TICRR: variants seen among roughly 807,000 people sequenced by gnomAD.
TICRR encodes the protein treslin.
TICRR carries 132 observed loss-of-function variants against 178.1 expected under a neutral mutation model. The ratio of observed to expected loss-of-function variants is 0.74; its 90% confidence interval spans 0.64 to 0.86. The LOEUF (loss-of-function observed/expected upper bound fraction) is 0.86. Among genes scored for constraint, TICRR ranks in the 40% least tolerant of loss-of-function variants. TICRR has a pLI of 0.00. For missense variants in TICRR, 2,587 were observed against 2,334.3 expected (o/e 1.11, Z -2.23); for synonymous variants, 991 against 900.7 (o/e 1.10, Z -1.79).
Position 89,625,660 on chromosome 15 carries a change from G to T in TICRR, c.5350G>T (p.Asp1784Tyr). The part of the protein sequence containing the change: ...KRVLLAKEEA[D>Y]RGAKRICDLR... ...AGTCCTGTTGGCCAAGGAAGAAGCT[G>T]ACCGTGGAGCCAAAAGGATCTGTGA... The change falls in exon 20 of 22, where the codon GAC (aspartate) becomes TAC (tyrosine). Residue 1784 changes from aspartate (D) to tyrosine (Y), a missense_variant. Physicochemically the swap from Asp to Tyr is radical, Grantham distance 160. Transcript: ENST00000268138. 2 of 1,613,712 alleles carry T rather than the reference G, an allele frequency of 1.2e-6. No homozygotes were observed. Among genetic ancestry groups the T allele is most frequent in the South Asian group, 2.2e-5 (2 of 91,062 alleles).
At chr15:89,607,452 G>A (rs1963191617) in intron 14 of TICRR, among the ~76,000 whole-genome samples, 1 of 152,056 alleles carries the variant, frequency 6.6e-6, no homozygotes. Flanking sequence ...CTTTAGTGAT[G>A]GGCGTATGTT....
chr15:89,625,744 T>C lies in TICRR; in HGVS notation c.5434T>C (p.Trp1812Arg). 1 of 1,612,846 alleles carries C rather than the reference T, an allele frequency of 6.2e-7. No individual in the cohort carries two copies. Among genetic ancestry groups the C allele is most frequent in the Non-Finnish European group, 8.5e-7 (1 of 1,179,698 alleles). The part of the protein sequence containing the change: ...SKEGSPSWSA[W>R]QLPSTGDEEV... ...AGAGGGGTCTCCAAGTTGGAGTGCA[T>C]GGCAGCTACCCTCCACGGGAGACGA... Residue 1812 changes from tryptophan to arginine, a missense_variant, in exon 20 of 22, where the codon TGG becomes CGG. Trp to Arg is a moderately radical substitution (Grantham distance 101). Transcript: ENST00000268138.
In TICRR at chr15:89,627,353, G is replaced by A; in HGVS notation, c.*267G>A. 2.4e-6 allele frequency: 1 copy of A among 424,110 alleles called. No individual in the cohort carries two copies. Among genetic ancestry groups the A allele is most frequent in the South Asian group, 4.5e-5 (1 of 22,054 alleles). The allele number at this position is 424,110 out of a possible 1,614,324, so 26.3% of individuals were successfully genotyped here. A position where few individuals can be genotyped will look rare whatever the true frequency, so the allele number is the denominator to read the frequency against. On this transcript the variant is annotated 3_prime_UTR_variant, in exon 22 of 22. Coordinates refer to ENST00000268138, the MANE Select transcript of TICRR (RefSeq NM_152259.4). ...CCTGGGAGTCAGGAACCCAGACAAG[G>A]AATCCCATTCCAGCCTCACCCCAAC...
rs948481433 is a variant in TICRR, at chr15:89,605,155, A to G, written c.2665-1613A>G. ...ACAAACTTTTTCTGTAAAGGGCCAG[A>G]TAGTAGATGTTTTAGCCTTTGCAGG... On this transcript the variant is annotated intron_variant, in intron 13 of 21. Coordinates refer to ENST00000268138, the MANE Select transcript of TICRR (RefSeq NM_152259.4). Among the ~76,000 whole-genome samples, 19 of 152,358 alleles carry G rather than the reference A, an allele frequency of 1.2e-4. No homozygotes were observed. The South Asian group carries it at 1.4e-3, about 12-fold the overall frequency.
In TICRR at chr15:89,600,700, T is replaced by A; in HGVS notation, c.2153+15T>A. ...AAAGTTAGAGAGTAAGTAACTACCA[T>A]TTTTTAAAAAATCATCACTCTAAAA... On this transcript the variant is annotated intron_variant, in intron 9 of 21. Transcript: ENST00000268138. 2.3e-6 allele frequency: 3 copies of A among 1,290,386 alleles called. No homozygotes were observed. The highest frequency in any genetic ancestry group is 3.3e-6 in the Non-Finnish European group (3 of 912,566). The allele number at this position is 1,290,386 out of a possible 1,614,324, so 79.9% of individuals were successfully genotyped here.
At position 89,584,498 on chromosome 15, in the gene TICRR, A is replaced by G. The variant is rs1443590948; in HGVS notation, c.1147A>G (p.Ser383Gly). The G allele has an allele frequency of 6.3e-7, 1 of 1,596,244 alleles. No homozygotes were observed. Among genetic ancestry groups the G allele is most frequent in the Admixed American group, 1.7e-5 (1 of 57,604 alleles). The change falls in exon 3 of 22, where the codon AGC becomes GGC. Residue 383 changes from serine (S) to glycine (G), a missense_variant. By Grantham distance (56) the Ser-to-Gly change is moderately conservative (BLOSUM62 0). Coordinates refer to ENST00000268138, the MANE Select transcript of TICRR (RefSeq NM_152259.4). ...TQRLLFQQLV[S>G]RLTAEELHLV... Reference sequence around the variant, plus strand: ...AAGGCTGTTATTTCAGCAGTTGGTAAGCAGGCTGACTGCTGAAGAGTTACA... The same window carrying G: ...AAGGCTGTTATTTCAGCAGTTGGTAGGCAGGCTGACTGCTGAAGAGTTACA...
At chr15:89,597,469 G>T (rs1717732902) in intron 7 of TICRR, among the ~76,000 whole-genome samples, 1 of 150,748 alleles carries the variant, frequency 6.6e-6, no homozygotes, top group African/African-American at 2.4e-5. Context: ...AGGTTGCAGT[G>T]AGCCGAGATT....
In TICRR at chr15:89,608,848, C is replaced by G. The variant is rs16943377; in HGVS notation, c.2768C>G (p.Ser923Cys). The change falls in exon 15 of 22, where the codon TCC becomes TGC. Residue 923 changes from serine to cysteine, a missense_variant. Physicochemically the swap from Ser to Cys is moderately radical, Grantham distance 112. Transcript: ENST00000268138. ...AATCTTTTCAACCAGGAATTGCTTT[C>G]CCCTTCAAAGAGATCACTAAAGCGG... is the stretch of plus-strand genomic sequence containing the variant. ...RRNLFNQELL[S>C]PSKRSLKRGL... 2,903 of 1,606,920 alleles carry G rather than the reference C, an allele frequency of 1.8e-3. 50 individuals carry two copies. The African/African-American group carries it at 0.035, about 19-fold the overall frequency.
At position 89,625,303 on chromosome 15, in the gene TICRR, G is replaced by T. The variant is rs1359781577; in HGVS notation, c.4993G>T (p.Val1665Phe). ...CCCCTCTCCATTTCAAACAGATGGG[G>T]TTCCTTGGACACCATCCCCCAAGCA... ...STPSPFQTDG[V>F]PWTPSPKHSG... The change falls in exon 20 of 22, where the codon GTT (valine) becomes TTT (phenylalanine). Residue 1665 changes from valine (V) to phenylalanine (F), a missense_variant. Val to Phe is a conservative substitution (Grantham distance 50). Coordinates refer to ENST00000268138, the MANE Select transcript of TICRR (RefSeq NM_152259.4). 4.3e-6 allele frequency: 7 copies of T among 1,614,080 alleles called. No individual in the cohort carries two copies. In the East Asian group the frequency reaches 1.1e-4, roughly 26 times the overall value.
intron 12 of TICRR, 82 bp downstream of exon 12, chr15:89,602,058 C>A: frequency 3.9e-6 from 6 of 1,528,276 alleles, no homozygotes; most frequent in Non-Finnish European, 5.3e-6. Context: ...GTCCAGTCAT[C>A]TTTGTCCATA....
intron 15 of TICRR, among the ~76,000 whole-genome samples, chr15:89,612,205 C>G (rs77672194): frequency 6.1e-4 from 92 of 151,414 alleles, no homozygotes; most frequent in Middle Eastern, 3.4e-3. Flanking sequence ...GTATGTATAC[C>G]TTGTTGTGTG....
Position 89,624,900 on chromosome 15 carries a change from T to C in TICRR, c.4590T>C (p.Asp1530=), listed in dbSNP as rs752536220. ...MPSRDVHCTT[D]GRQCQASAQL... ...CCCGTGACGTGCACTGTACCACAGA[T>C]GGGAGACAGTGCCAGGCTTCGGCAC... is the stretch of plus-strand genomic sequence containing the variant. Residue 1530 remains aspartate, a synonymous_variant, in exon 20 of 22, where the codon GAT becomes GAC. Coordinates refer to ENST00000268138, the MANE Select transcript of TICRR (RefSeq NM_152259.4). 1 of 1,614,098 alleles carries C rather than the reference T, an allele frequency of 6.2e-7. No homozygotes were observed. The highest frequency in any genetic ancestry group is 1.7e-5 in the Admixed American group (1 of 60,018).
At position 89,625,561 on chromosome 15, in the gene TICRR, C is replaced by A. The variant is rs1963506491; in HGVS notation, c.5251C>A (p.Pro1751Thr). The A allele has an allele frequency of 6.2e-7, 1 of 1,613,170 alleles. No individual in the cohort carries two copies. Among genetic ancestry groups the A allele is most frequent in the Non-Finnish European group, 8.5e-7 (1 of 1,180,014 alleles). Residue 1751 changes from proline (P) to threonine (T), a missense_variant, in exon 20 of 22, where the codon CCT becomes ACT. Pro to Thr is a conservative substitution (Grantham distance 38). Coordinates refer to ENST00000268138, the MANE Select transcript of TICRR (RefSeq NM_152259.4). ...EGVCQLPDQS[P>T]PRNSMPKAEE... Reference sequence around the variant, plus strand: ...AGTGTGCCAGCTCCCAGACCAGTCGCCTCCCAGGAACAGCATGCCTAAGGC... The same window carrying A: ...AGTGTGCCAGCTCCCAGACCAGTCGACTCCCAGGAACAGCATGCCTAAGGC...
In TICRR at chr15:89,623,942, C is replaced by G. The variant is rs1464822380; in HGVS notation, c.3632C>G (p.Thr1211Ser). 5 of 1,613,972 alleles carry G rather than the reference C, an allele frequency of 3.1e-6. No homozygotes were observed. The Admixed American group carries it at 8.3e-5, about 27-fold the overall frequency. Reference protein sequence around the residue: ...TQPPGFLPNCTWPHSVNSSPE... With the variant: ...TQPPGFLPNCSWPHSVNSSPE... The stretch of plus-strand genomic sequence containing the variant: ...CCGCCTGGGTTTTTGCCAAACTGTA[C>G]TTGGCCACATTCAGTGAATTCCAGT... The change falls in exon 20 of 22, where the codon ACT becomes AGT. Residue 1211 changes from threonine to serine, a missense_variant. By Grantham distance (58) the Thr-to-Ser change is moderately conservative. Transcript: ENST00000268138.
intron 15 of TICRR, among the ~76,000 whole-genome samples, chr15:89,609,215 A>G (rs1328817244): frequency 7.1e-6 from 1 of 139,910 alleles, no homozygotes; most frequent in East Asian, 2.1e-4. Flanking sequence ...GGCTCAAGTG[A>G]TTCTCCCACC....
intron 19 of TICRR, among the ~76,000 whole-genome samples, chr15:89,621,858 T>C (rs1251614270): frequency 6.6e-6 from 1 of 152,178 alleles, no homozygotes; most frequent in Non-Finnish European, 1.5e-5. Flanking sequence ...GTGACACTCA[T>C]CTTTTCCGTT....
At chr15:89,597,157 T>C (rs1963010794) in intron 7 of TICRR, among the ~76,000 whole-genome samples, 1 of 152,216 alleles carries the variant, frequency 6.6e-6, no homozygotes, top group South Asian at 2.1e-4. Context: ...GTAATTTTTT[T>C]CTGCTGCTTT....
chr15:89,598,044 G>T (rs898984314), intron 7 of TICRR, among the ~76,000 whole-genome samples: 2 of 152,158 alleles, frequency 1.3e-5, no homozygotes, highest in Non-Finnish European at 2.9e-5. Flanking sequence ...TACATTACTG[G>T]CATATGGGAA....
Position 89,621,476 on chromosome 15 carries a change from T to G in TICRR, c.3238T>G (p.Ser1080Ala), listed in dbSNP as rs1159855370. ...GGCAATGTCTGAGATGATCAGCCCCTCAGAAAAGGGTTCAGCTCGAATGAA... is the reference window on the plus strand; with the variant it reads ...GGCAATGTCTGAGATGATCAGCCCCGCAGAAAAGGGTTCAGCTCGAATGAA... ...FGAMSEMISP[S>A]EKGSARMKKR... Residue 1080 changes from serine (S) to alanine (A), a missense_variant, in exon 19 of 22, where the codon TCA becomes GCA. By Grantham distance (99) the Ser-to-Ala change is moderately conservative. Transcript: ENST00000268138. 1 of 1,614,096 alleles carries G rather than the reference T, an allele frequency of 6.2e-7. No individual in the cohort carries two copies. Among genetic ancestry groups the G allele is most frequent in the South Asian group, 1.1e-5 (1 of 91,062 alleles).
Sources: gnomAD v4.1 joint callset for allele counts (sites outside exome capture counted in the v4.1 genomes callset) on GRCh38, gnomAD v4.1.1 for gene constraint, MANE v1.5 for transcripts, NCBI Gene and HGNC (gene_info 2026-07-23, HGNC 2026-07-21) for gene names.